Variants in RBKS observed in about 807,000 individuals in gnomAD.
The protein encoded by RBKS is ribokinase.
RBKS carries 33 observed loss-of-function variants against 33.9 expected under a neutral mutation model. The observed-to-expected ratio is 0.97, with a 90% CI of 0.74 to 1.30. The LOEUF is 1.30. Among genes scored for constraint, RBKS ranks in the 50% most tolerant of loss-of-function variants. The probability of loss-of-function intolerance (pLI) is 0.00; values close to 1 mark genes in which losing one functional copy is unlikely to be tolerated. For synonymous variants in RBKS, 125 were observed against 143.0 expected, an observed-to-expected ratio of 0.87 and a Z score of 0.90; for missense variants, 361 against 392.6, an observed-to-expected ratio of 0.92 and a Z score of 0.68.
At chr2:27,844,609 C>T (rs932031136) in intron 4 of RBKS, among the ~76,000 whole-genome samples, 1 of 151,970 alleles carries the variant, frequency 6.6e-6, no homozygotes, top group Admixed American at 6.6e-5. Context: ...GTTGGCCAGG[C>T]TAGTCTCGAA....
In RBKS at chr2:27,811,279, T is replaced by G. The variant is rs552628457; in HGVS notation, c.795+16288A>C. ...TAGCTGTATGGACTATGCACTCTTCTAGATTCCAAGCTCTTTGTGGCCAGG... is the reference window on the plus strand; with the variant it reads ...TAGCTGTATGGACTATGCACTCTTCGAGATTCCAAGCTCTTTGTGGCCAGG... On this transcript the variant is annotated intron_variant, in intron 7 of 7. Coordinates refer to ENST00000302188, the MANE Select transcript of RBKS (RefSeq NM_022128.3). 2.6e-5 allele frequency among the ~76,000 whole-genome samples: 4 copies of G among 152,302 alleles called. No homozygotes were observed. In the East Asian group the frequency reaches 7.7e-4, roughly 29 times the overall value.
intron 1 of RBKS, among the ~76,000 whole-genome samples, chr2:27,877,175 T>A (rs1664329340): frequency 6.6e-6 from 1 of 152,122 alleles, no homozygotes; most frequent in Non-Finnish European, 1.5e-5. Flanking sequence ...AAAAATGAAC[T>A]CAAGTTTCTT....
chr2:27,783,986 T>TC (rs935344944), intron 7 of RBKS, among the ~76,000 whole-genome samples: 11 of 82,082 alleles, frequency 1.3e-4, no homozygotes, highest in African/African-American at 4.9e-4. Context: ...TTTTTTTTTT[T>TC]TTTTTTTTTT....
chr2:27,813,685 GGAGA>G (rs148033528), intron 7 of RBKS, among the ~76,000 whole-genome samples: 1 of 150,622 alleles, frequency 6.6e-6, no homozygotes, highest in African/African-American at 2.4e-5. Flanking sequence ...ATATATGTAT[GGAGA>G]GAGAGAGAGA....
chr2:27,824,250 C>G (rs983913840), intron 7 of RBKS, among the ~76,000 whole-genome samples: 3 of 152,086 alleles, frequency 2.0e-5, no homozygotes, highest in African/African-American at 7.2e-5. Flanking sequence ...AATAATTCAC[C>G]TATTTTAACA....
At chr2:27,865,946 T>C (rs1388789252) in intron 1 of RBKS, among the ~76,000 whole-genome samples, 1 of 152,236 alleles carries the variant, frequency 6.6e-6, no homozygotes, top group East Asian at 1.9e-4. Context: ...TAAATGTCAA[T>C]TGCCTTTTAA....
At chr2:27,799,149 T>A (rs947339613) in intron 7 of RBKS, among the ~76,000 whole-genome samples, 2 of 152,142 alleles carry the variant, frequency 1.3e-5, no homozygotes, top group Non-Finnish European at 2.9e-5. Flanking sequence ...ATGGAACAGA[T>A]GCATGAAAGT....
At position 27,843,248 on chromosome 2, in the gene RBKS, C is replaced by T; in HGVS notation, c.350-17G>A. On this transcript the variant is annotated splice_polypyrimidine_tract_variant and intron_variant, in intron 4 of 7. Coordinates refer to ENST00000302188, the MANE Select transcript of RBKS (RefSeq NM_022128.3). ...TATTCTGGCCTATAAAGAAATTCCACCTATTATATTAAAACTAAACAAAGC... is the reference window on the plus strand; with the variant it reads ...TATTCTGGCCTATAAAGAAATTCCATCTATTATATTAAAACTAAACAAAGC... 1 of 1,585,792 alleles carries T rather than the reference C, an allele frequency of 6.3e-7. No homozygotes were observed. Among genetic ancestry groups the T allele is most frequent in the Non-Finnish European group, 8.6e-7 (1 of 1,163,738 alleles).
Position 27,781,516 on chromosome 2 carries a change from G to A in RBKS, c.*99C>T, listed in dbSNP as rs1677281885. 1.1e-6 allele frequency: 1 copy of A among 920,374 alleles called. No homozygotes were observed. The highest frequency in any genetic ancestry group is 1.7e-5 in the African/African-American group (1 of 59,060). 57.0% of individuals were successfully genotyped at this position (920,374 alleles called of 1,614,324 possible). On this transcript the variant is annotated 3_prime_UTR_variant, in exon 8 of 8. Transcript: ENST00000302188. Reference sequence around the variant, plus strand: ...TCGTAAAAGAACTAATATTTGCAAAGAAAGGGGACGAGGACATTTTCTAAT... The same window carrying A: ...TCGTAAAAGAACTAATATTTGCAAAAAAAGGGGACGAGGACATTTTCTAAT...
chr2:27,856,609 T>C (rs949920423), intron 2 of RBKS, among the ~76,000 whole-genome samples: 1 of 152,202 alleles, frequency 6.6e-6, no homozygotes, highest in Non-Finnish European at 1.5e-5. Flanking sequence ...ATCTTGACTT[T>C]AATGGCTACA....
intron 7 of RBKS, among the ~76,000 whole-genome samples, chr2:27,788,250 A>C (rs937811820): frequency 2.0e-5 from 3 of 151,596 alleles, no homozygotes; most frequent in African/African-American, 7.3e-5. Flanking sequence ...AGGACAGGGG[A>C]AAAAAAAGAA....
intron 1 of RBKS, among the ~76,000 whole-genome samples, chr2:27,860,640 G>A (rs890569821): frequency 5.9e-5 from 9 of 152,202 alleles, no homozygotes; most frequent in Non-Finnish European, 1.2e-4. Flanking sequence ...TACAGTAGGT[G>A]TGTTTGATGT....
At chr2:27,820,577 CTCTT>C (rs1250562782) in intron 7 of RBKS, among the ~76,000 whole-genome samples, 216 of 143,918 alleles carry the variant, frequency 1.5e-3, no homozygotes, top group Non-Finnish European at 2.3e-3. Flanking sequence ...CTCTCTCTCT[CTCTT>C]TCTTTCTTTT....
In RBKS at chr2:27,810,151, C is replaced by A; in HGVS notation, c.795+17416G>T. Reference sequence around the variant, plus strand: ...AACTGTGTATGTCTTGGCTGGTGCACCTGGTATATTTGTCTACACAACCCA... The same window carrying A: ...AACTGTGTATGTCTTGGCTGGTGCAACTGGTATATTTGTCTACACAACCCA... On this transcript the variant is annotated intron_variant, in intron 7 of 7. Coordinates refer to ENST00000302188, the MANE Select transcript of RBKS (RefSeq NM_022128.3). This position sits in a 1 kb window ranked among gnomAD's most constrained non-coding sequence, Gnocchi z 4.4. 1 of 1,257,784 alleles carries A rather than the reference C, an allele frequency of 8.0e-7. No homozygotes were observed. The highest frequency in any genetic ancestry group is 1.0e-6 in the Non-Finnish European group (1 of 965,074). The allele number at this position is 1,257,784 out of a possible 1,614,324, so 77.9% of individuals were successfully genotyped here. A position where few individuals can be genotyped will look rare whatever the true frequency, so the allele number is the denominator to read the frequency against.
At chr2:27,793,642 C>A (rs1411544463) in intron 7 of RBKS, among the ~76,000 whole-genome samples, 1 of 152,132 alleles carries the variant, frequency 6.6e-6, no homozygotes, top group Non-Finnish European at 1.5e-5. Context: ...TTCAAGGAGA[C>A]TAAAGTAACA....
chr2:27,830,455 G>A (rs1173336591), intron 6 of RBKS, among the ~76,000 whole-genome samples: 11 of 152,036 alleles, frequency 7.2e-5, no homozygotes, highest in Non-Finnish European at 1.0e-4. Context: ...TAGTAGAGAC[G>A]GGGTTTCACC....
At chr2:27,791,018 C>A (rs1677511232) in intron 7 of RBKS, among the ~76,000 whole-genome samples, 1 of 152,164 alleles carries the variant, frequency 6.6e-6, no homozygotes, top group African/African-American at 2.4e-5. Flanking sequence ...TGGAAACAAT[C>A]CAGATGTTGT....
chr2:27,789,394 T>C (rs1197426766), intron 7 of RBKS, among the ~76,000 whole-genome samples: 1 of 151,366 alleles, frequency 6.6e-6, no homozygotes, highest in Non-Finnish European at 1.5e-5. Context: ...ATTTCAGATT[T>C]TGAAGCTTTT....
At chr2:27,792,769 T>C (rs1420630041) in intron 7 of RBKS, among the ~76,000 whole-genome samples, 1 of 152,220 alleles carries the variant, frequency 6.6e-6, no homozygotes, top group Non-Finnish European at 1.5e-5. Context: ...TTGGAAGCCA[T>C]TGATCCTGCC....
Sources: allele counts gnomAD v4.1 joint callset (sites outside exome capture counted in the v4.1 genomes callset), GRCh38; gene constraint gnomAD v4.1.1; non-coding constraint Gnocchi (gnomAD v3.1); transcripts MANE v1.5; gene names NCBI Gene and HGNC (gene_info 2026-07-23, HGNC 2026-07-21).